The following PDE10A variants were observed in gnomAD, a reference collection of about 807,000 sequenced individuals.
PDE10A encodes the protein phosphodiesterase 10A.
A neutral mutation model predicts 97.7 loss-of-function variants in PDE10A; 39 were observed. The ratio of observed to expected loss-of-function variants is 0.40; its 90% confidence interval spans 0.31 to 0.52. The LOEUF (loss-of-function observed/expected upper bound fraction) is 0.52, where lower values mean the gene tolerates loss of function less well. PDE10A is among the 20% of genes least tolerant of loss of function. The probability of loss-of-function intolerance (pLI) is 0.56; values close to 1 mark genes in which losing one functional copy is unlikely to be tolerated. For missense variants in PDE10A, 731 were observed against 1,047.8 expected (o/e 0.70, Z 4.17); for synonymous variants, 371 against 376.8 (o/e 0.98, Z 0.18).
chr6:165,671,199 G>A lies in PDE10A; in HGVS notation c.-614-127631C>T, dbSNP rs1790638085. ...TGCTACAAATTCCCAAAGTCTACTT[G>A]TTTTTGTAAATGTCATCTGGTGATA... is the stretch of plus-strand genomic sequence containing the variant. On this transcript the variant is annotated intron_variant, in intron 1 of 19. Coordinates refer to the PDE10A transcript ENST00000366882. This position sits in a 1 kb window ranked among gnomAD's most constrained non-coding sequence, Gnocchi z 4.6. 6.6e-6 allele frequency among the ~76,000 whole-genome samples: 1 copy of A among 151,632 alleles called. No individual in the cohort carries two copies. The highest frequency in any genetic ancestry group is 6.6e-5 in the Admixed American group (1 of 15,236).
intron 1 of PDE10A, among the ~76,000 whole-genome samples, chr6:165,788,535 A>AAAAAG (rs1562737282): frequency 4.7e-5 from 7 of 149,308 alleles, no homozygotes; most frequent in Non-Finnish European, 7.4e-5. Context: ...AAAAAAAAAA[A>AAAAAG]AAAAGAAAAG....
intron 4 of PDE10A, 123 bp from the exon 5 acceptor site, chr6:165,449,100 C>T: frequency 2.9e-6 from 2 of 688,372 alleles, no homozygotes; most frequent in East Asian, 2.5e-5. Flanking sequence ...AATCAATGGT[C>T]ATGCAGTAAA....
At position 165,758,510 on chromosome 6, in the gene PDE10A, A is replaced by AAAGAAGAAG. The variant is rs200476731; in HGVS notation, c.-614-214951_-614-214943dup. 5.3e-4 allele frequency among the ~76,000 whole-genome samples: 22 copies of AAAGAAGAAG among 41,570 alleles called. No individual in the cohort carries two copies. In the Admixed American group the frequency reaches 5.5e-3, roughly 10 times the overall value. The allele number at this position is 41,570 out of a possible 152,430, so 27.3% of individuals were successfully genotyped here. ...GGAGAAAGAAGAAAGAAGAAAGAAG[A>AAAGAAGAAG]AAGAAGAAGAAGAAGAAGAAGAGGA... On this transcript the variant is annotated intron_variant, in intron 1 of 19. Coordinates refer to the PDE10A transcript ENST00000366882.
chr6:165,543,765 C>T (rs1020397202), intron 1 of PDE10A, among the ~76,000 whole-genome samples, 197 bp from the exon 2 acceptor site: 2 of 152,080 alleles, frequency 1.3e-5, no homozygotes, highest in Non-Finnish European at 2.9e-5. Flanking sequence ...AGTTTTGGAA[C>T]TAGACAGGTG....
At chr6:165,508,201 C>T (rs955723829) in intron 2 of PDE10A, among the ~76,000 whole-genome samples, 3 of 151,994 alleles carry the variant, frequency 2.0e-5, no homozygotes, top group African/African-American at 2.4e-5. Flanking sequence ...CAAAAGTTTC[C>T]GCAGATCCAT....
rs1790359617 is a variant in PDE10A at position 165,662,843 on chromosome 6, G to A, written c.-32C>T. ...TCCCCGGGCCGCGGAGGGGCAGGCC[G>A]CGGGCGGGAGGGGCGCGGCGGGCCG... On this transcript the variant is annotated 5_prime_UTR_variant, in exon 1 of 22. Coordinates refer to ENST00000539869, the MANE Select transcript of PDE10A (RefSeq NM_001385079.1). Among the ~76,000 whole-genome samples, 1 of 150,752 alleles carries A rather than the reference G, an allele frequency of 6.6e-6. No homozygotes were observed. Among genetic ancestry groups the A allele is most frequent in the Admixed American group, 6.6e-5 (1 of 15,184 alleles).
Position 165,329,832 on chromosome 6 carries a change from G to A in PDE10A, c.*3193C>T, listed in dbSNP as rs1174558235. On this transcript the variant is annotated 3_prime_UTR_variant, in exon 22 of 22. Transcript: ENST00000539869. ...CCATTGAAGAGTCAGGAATGGGAACGATTGTGTCTAATATTTTGGTCTCTT... is the reference window on the plus strand; with the variant it reads ...CCATTGAAGAGTCAGGAATGGGAACAATTGTGTCTAATATTTTGGTCTCTT... 1 of 152,162 alleles carries A rather than the reference G, an allele frequency of 6.6e-6. No homozygotes were observed. The highest frequency in any genetic ancestry group is 1.5e-5 in the Non-Finnish European group (1 of 68,012). The allele number at this position is 152,162 out of a possible 1,614,324, so 9.4% of individuals were successfully genotyped here. A position where few individuals can be genotyped will look rare whatever the true frequency, so the allele number is the denominator to read the frequency against.
chr6:165,532,344 G>A (rs969008958), intron 2 of PDE10A, among the ~76,000 whole-genome samples: 6 of 150,766 alleles, frequency 4.0e-5, no homozygotes, highest in Admixed American at 6.6e-5. Context: ...TAGTATGTGC[G>A]TAACGCTTGC....
intron 1 of PDE10A, among the ~76,000 whole-genome samples, chr6:165,945,100 C>A (rs963872320): frequency 6.6e-6 from 1 of 152,150 alleles, no homozygotes. Flanking sequence ...GAGTGTGTCA[C>A]TTTGAAATCA....
chr6:165,835,392 C>T (rs1198831754), intron 1 of PDE10A, among the ~76,000 whole-genome samples: 1 of 152,196 alleles, frequency 6.6e-6, no homozygotes, highest in Non-Finnish European at 1.5e-5. Flanking sequence ...AACAATTTTC[C>T]TTTATATCCT....
At chr6:165,956,342 T>C (rs536582873) in intron 1 of PDE10A, among the ~76,000 whole-genome samples, 12 of 152,346 alleles carry the variant, frequency 7.9e-5, no homozygotes, top group Admixed American at 6.5e-4. Context: ...CTTCATCTTG[T>C]TGAATCCTTT....
Position 165,529,674 on chromosome 6 carries a change from C to T in PDE10A, c.994+13766G>A, listed in dbSNP as rs558953522. Among the ~76,000 whole-genome samples the T allele has an allele frequency of 2.4e-4, 36 of 152,270 alleles. 1 individual carries two copies. Among genetic ancestry groups the T allele is most frequent in the African/African-American group, 7.9e-4 (33 of 41,546 alleles). ...TATTTCCTTTTCTTTTATCATGTTA[C>T]GTAAGATTTACTGACTTCATATCGG... On this transcript the variant is annotated intron_variant, in intron 2 of 21. Coordinates refer to ENST00000539869, the MANE Select transcript of PDE10A (RefSeq NM_001385079.1).
At chr6:165,359,232 CT>C (rs1480933047) in intron 18 of PDE10A, among the ~76,000 whole-genome samples, 1 of 152,118 alleles carries the variant, frequency 6.6e-6, no homozygotes, top group Non-Finnish European at 1.5e-5. Flanking sequence ...GAGTTTTCAT[CT>C]GGTAATTCAT....
intron 1 of PDE10A, among the ~76,000 whole-genome samples, chr6:165,636,591 G>T (rs1283036074): frequency 6.6e-6 from 1 of 152,128 alleles, no homozygotes; most frequent in Non-Finnish European, 1.5e-5. Flanking sequence ...GTATCCCCAA[G>T]AACAGCTGCT....
intron 1 of PDE10A, among the ~76,000 whole-genome samples, chr6:165,657,441 A>T (rs527361608): frequency 1.3e-5 from 2 of 152,376 alleles, no homozygotes; most frequent in East Asian, 3.9e-4. Context: ...TTACATGAAA[A>T]TTATTTTTTC....
At chr6:165,822,176 A>C (rs1779591634) in intron 1 of PDE10A, among the ~76,000 whole-genome samples, 2 of 152,210 alleles carry the variant, frequency 1.3e-5, no homozygotes, top group Non-Finnish European at 2.9e-5. Flanking sequence ...GTGCGAACAT[A>C]ACAGAGTGCA....
chr6:165,680,939 A>C (rs776267154), intron 1 of PDE10A, among the ~76,000 whole-genome samples: 4 of 152,134 alleles, frequency 2.6e-5, no homozygotes, highest in Admixed American at 1.3e-4. Context: ...TACTTCCCTT[A>C]TATGTTTTAG....
At chr6:165,503,298 T>C (rs1583421756) in intron 2 of PDE10A, among the ~76,000 whole-genome samples, 1 of 152,204 alleles carries the variant, frequency 6.6e-6, no homozygotes, top group Non-Finnish European at 1.5e-5. Context: ...ACTCATATTA[T>C]TCCTTTCCCT....
chr6:165,371,519 C>T (rs965926658), intron 18 of PDE10A, among the ~76,000 whole-genome samples: 1 of 151,974 alleles, frequency 6.6e-6, no homozygotes, highest in Admixed American at 6.6e-5. Flanking sequence ...TCTCCCAAGA[C>T]TAAACCAGGA....
Sources: gnomAD v4.1 joint callset for allele counts (sites outside exome capture counted in the v4.1 genomes callset) on GRCh38, gnomAD v4.1.1 for gene constraint, Gnocchi (gnomAD v3.1) non-coding constraint, MANE v1.5 for transcripts, NCBI Gene and HGNC (gene_info 2026-07-23, HGNC 2026-07-21) for gene names.